INPP5A: variants seen among roughly 807,000 people sequenced by gnomAD.
INPP5A encodes the protein 43 kDa inositol polyphosphate 5-phophatase.
Under a neutral mutation model 65.2 loss-of-function variants are expected in INPP5A, and 14 were observed. The ratio of observed to expected loss-of-function variants is 0.21; its 90% CI spans 0.14 to 0.34. The LOEUF (loss-of-function observed/expected upper bound fraction) is 0.34. Among genes scored for constraint, INPP5A ranks in the 10% least tolerant of loss-of-function variants. INPP5A has a pLI of 1.00. For synonymous variants in INPP5A, 207 were observed against 208.3 expected (o/e 0.99, Z 0.05); for missense variants, 431 against 545.6 (o/e 0.79, Z 2.09).
At chr10:132,703,507 A>ACC (rs756330522) in intron 6 of INPP5A, among the ~76,000 whole-genome samples, 8 of 111,146 alleles carry the variant, frequency 7.2e-5, no homozygotes, top group East Asian at 5.6e-4. Flanking sequence ...GTCTTCACCC[A>ACC]CACACACACA....
intron 7 of INPP5A, 83 bp downstream of exon 7, chr10:132,708,448 T>C (rs1476455949): frequency 3.8e-6 from 5 of 1,332,906 alleles, no homozygotes; most frequent in Non-Finnish European, 5.4e-6. Context: ...TCCACACACC[T>C]CATTGGAGGC....
chr10:132,632,024 G>T (rs543973794), intron 2 of INPP5A, among the ~76,000 whole-genome samples: 1 of 152,348 alleles, frequency 6.6e-6, no homozygotes, highest in African/African-American at 2.4e-5. Context: ...AGACTCGTGG[G>T]TGGAGATGTG....
rs377076373 is a variant in INPP5A, at chr10:132,562,600, C to T, written c.75+24429C>T. ...GGCTCCCAGCACGTGAAACATGGTG[C>T]GTGTTGCACACACGGCACGAGTGTG... On this transcript the variant is annotated intron_variant, in intron 1 of 15. Coordinates refer to ENST00000368594, the MANE Select transcript of INPP5A (RefSeq NM_005539.5). 2.0e-4 allele frequency among the ~76,000 whole-genome samples: 31 copies of T among 152,232 alleles called. 1 individual carries two copies. Among genetic ancestry groups the T allele is most frequent in the Admixed American group, 6.5e-5 (1 of 15,278 alleles).
At chr10:132,572,468 G>T (rs1431711796) in intron 1 of INPP5A, among the ~76,000 whole-genome samples, 1 of 152,160 alleles carries the variant, frequency 6.6e-6, no homozygotes, top group Non-Finnish European at 1.5e-5. Flanking sequence ...CTGTCCTGGG[G>T]GAGGGGGATG....
rs540903331 is a variant in INPP5A, at chr10:132,719,317, C to T, written c.648-7504C>T. On this transcript the variant is annotated intron_variant, in intron 8 of 15. Coordinates refer to ENST00000368594, the MANE Select transcript of INPP5A (RefSeq NM_005539.5). ...CTGGGTTCTGTCTGGGCGCCTTAGG[C>T]GGCTGTCTTCAGGGTTCTGTGGTAC... is the stretch of plus-strand genomic sequence containing the variant. Among the ~76,000 whole-genome samples, 48 of 149,374 alleles carry T rather than the reference C, an allele frequency of 3.2e-4. 1 individual carries two copies. The highest frequency in any genetic ancestry group is 4.9e-4 in the Non-Finnish European group (33 of 67,318).
At chr10:132,543,331 C>T (rs989111245) in intron 1 of INPP5A, among the ~76,000 whole-genome samples, 8 of 152,104 alleles carry the variant, frequency 5.3e-5, no homozygotes, top group Non-Finnish European at 4.4e-5. Flanking sequence ...AGACGGTCTG[C>T]CCTTTGACCT....
chr10:132,734,320 G>A (rs894799045), intron 9 of INPP5A, among the ~76,000 whole-genome samples: 2 of 152,240 alleles, frequency 1.3e-5, no homozygotes, highest in African/African-American at 2.4e-5. Context: ...CAGATGAAAA[G>A]TGGACGAGGA....
chr10:132,663,179 CAT>C lies in INPP5A; in HGVS notation c.306+12677_306+12678del, dbSNP rs1452436922. ...TGAGTAATTTTCCATTTTATATACA[CAT>C]ATGCGTATGTTATATAAAATTGAAA... On this transcript the variant is annotated intron_variant, in intron 4 of 15. Coordinates refer to ENST00000368594, the MANE Select transcript of INPP5A (RefSeq NM_005539.5). This position sits in a 1 kb window ranked among gnomAD's most constrained non-coding sequence, Gnocchi z 4.5. 6.6e-6 allele frequency among the ~76,000 whole-genome samples: 1 copy of C among 152,240 alleles called. No homozygotes were observed. Among genetic ancestry groups the C allele is most frequent in the African/African-American group, 2.4e-5 (1 of 41,460 alleles).
Position 132,546,118 on chromosome 10 carries a change from A to T in INPP5A, c.75+7947A>T, listed in dbSNP as rs753951071. On this transcript the variant is annotated intron_variant, in intron 1 of 15. Transcript: ENST00000368594. This position sits in a 1 kb window ranked among gnomAD's most constrained non-coding sequence, Gnocchi z 5.7. ...CTGCAGCCCTTGGCCGTGTCACGCCATGTGCTCATGTGACCGAGGACGCTT... is the reference window on the plus strand; with the variant it reads ...CTGCAGCCCTTGGCCGTGTCACGCCTTGTGCTCATGTGACCGAGGACGCTT... 6.6e-6 allele frequency among the ~76,000 whole-genome samples: 1 copy of T among 152,146 alleles called. No individual in the cohort carries two copies. Among genetic ancestry groups the T allele is most frequent in the Non-Finnish European group, 1.5e-5 (1 of 68,012 alleles).
chr10:132,718,246 G>A (rs12264999), intron 8 of INPP5A, among the ~76,000 whole-genome samples: 2,963 of 138,742 alleles, frequency 0.021, 65 homozygotes, highest in African/African-American at 0.076. Flanking sequence ...CACCTTAGAC[G>A]GCTGTCTTGC....
At chr10:132,590,990 TGCTGTCACAGGGAAG>T (rs2071612591) in intron 1 of INPP5A, among the ~76,000 whole-genome samples, 3 of 152,206 alleles carry the variant, frequency 2.0e-5, no homozygotes, top group Non-Finnish European at 2.9e-5. Flanking sequence ...GGGCCCAGGC[TGCTGTCACAGGGAAG>T]GTGGCATCGC....
chr10:132,773,068 C>T (rs1229554451), intron 12 of INPP5A, among the ~76,000 whole-genome samples: 1 of 152,260 alleles, frequency 6.6e-6, no homozygotes, highest in Non-Finnish European at 1.5e-5. Flanking sequence ...TCACCTCCCA[C>T]CGCCCTCCCC....
intron 9 of INPP5A, among the ~76,000 whole-genome samples, chr10:132,731,043 G>T (rs1314286131): frequency 1.3e-5 from 2 of 152,212 alleles, no homozygotes; most frequent in African/African-American, 4.8e-5. Context: ...CTGCTCCCCA[G>T]TGCATCCCTG....
At position 132,663,288 on chromosome 10, in the gene INPP5A, C is replaced by T. The variant is rs2072760207; in HGVS notation, c.306+12783C>T. On this transcript the variant is annotated intron_variant, in intron 4 of 15. Coordinates refer to ENST00000368594, the MANE Select transcript of INPP5A (RefSeq NM_005539.5). This position sits in a 1 kb window ranked among gnomAD's most constrained non-coding sequence, Gnocchi z 4.5. ...CCAGGCTGGAGTGCAGTAGTGCAAT[C>T]GTGGCTTACTGCAGCCTTGAACTCC... Among the ~76,000 whole-genome samples, 1 of 152,140 alleles carries T rather than the reference C, an allele frequency of 6.6e-6. No individual in the cohort carries two copies. The highest frequency in any genetic ancestry group is 2.4e-5 in the African/African-American group (1 of 41,418).
At chr10:132,765,683 G>A (rs1479106415) in intron 11 of INPP5A, 90 bp from the exon 12 acceptor site, 7 of 786,696 alleles carry the variant, frequency 8.9e-6, no homozygotes, top group Admixed American at 1.8e-5. Context: ...GTCACACCGA[G>A]CATTTGAGCG....
At chr10:132,691,593 G>C (rs1354625795) in intron 5 of INPP5A, among the ~76,000 whole-genome samples, 1 of 152,248 alleles carries the variant, frequency 6.6e-6, no homozygotes. Context: ...AGTTAAATCA[G>C]TCATAAAGTG....
chr10:132,655,962 C>T (rs2072652106), intron 4 of INPP5A, among the ~76,000 whole-genome samples: 1 of 152,254 alleles, frequency 6.6e-6, no homozygotes, highest in African/African-American at 2.4e-5. Flanking sequence ...GGGCATGGGT[C>T]CCATGCAGAC....
chr10:132,781,128 C>T (rs1019560451), intron 14 of INPP5A, among the ~76,000 whole-genome samples: 7 of 152,176 alleles, frequency 4.6e-5, no homozygotes, highest in African/African-American at 1.7e-4. Flanking sequence ...AATAAAATAT[C>T]ATAAGCTAGG....
intron 13 of INPP5A, 121 bp downstream of exon 13, chr10:132,777,903 G>A: frequency 3.3e-6 from 5 of 1,520,642 alleles, no homozygotes; most frequent in South Asian, 1.2e-5. Flanking sequence ...ATGCTGCCAG[G>A]TTGGGCCCTG....
Sources: allele counts gnomAD v4.1 joint callset (sites outside exome capture counted in the v4.1 genomes callset), GRCh38; gene constraint gnomAD v4.1.1; non-coding constraint Gnocchi (gnomAD v3.1); transcripts MANE v1.5; gene names NCBI Gene and HGNC (gene_info 2026-07-23, HGNC 2026-07-21).